Variants in TTC38 observed in about 807,000 individuals in gnomAD.
TTC38 encodes tetratricopeptide repeat domain 38, also known as tetratricopeptide repeat protein 38.
In TTC38, 64 loss-of-function variants were observed where a neutral mutation model predicts 64.2. That is an observed-to-expected ratio of 1.00 (90% CI 0.81 to 1.23). TTC38 has a LOEUF of 1.23. TTC38 is among the 50% of genes most tolerant of loss of function. The pLI, the probability that TTC38 is intolerant of heterozygous loss-of-function variation, is 0.00. For synonymous variants in TTC38, 254 were observed against 249.3 expected (o/e 1.02, Z -0.18); for missense variants, 573 against 615.5 (o/e 0.93, Z 0.73).
At position 46,282,464 on chromosome 22, in the gene TTC38, G is replaced by A. The variant is rs1209465755; in HGVS notation, c.735+746G>A. 2.0e-5 allele frequency among the ~76,000 whole-genome samples: 3 copies of A among 152,208 alleles called. No homozygotes were observed. The highest frequency in any genetic ancestry group is 2.9e-5 in the Non-Finnish European group (2 of 68,028). On this transcript the variant is annotated intron_variant, in intron 7 of 13. Coordinates refer to ENST00000381031, the MANE Select transcript of TTC38 (RefSeq NM_017931.4). This position sits in a 1 kb window ranked among gnomAD's most constrained non-coding sequence, Gnocchi z 4.4. Reference sequence around the variant, plus strand: ...ATCAGGTGAGCCTATTGGGCTCAAGGGAGATGGGGCCTCCCCTGGGACAGG... The same window carrying A: ...ATCAGGTGAGCCTATTGGGCTCAAGAGAGATGGGGCCTCCCCTGGGACAGG...
chr22:46,273,775 GC>G lies in TTC38; in HGVS notation c.194-121del, dbSNP rs1936946453. The stretch of plus-strand genomic sequence containing the variant: ...ACAGTAGGCAGGGCCACAGTGCCCA[GC>G]CTGCTGCTGCCTGGCTGGCCCCTCC... On this transcript the variant is annotated intron_variant, in intron 3 of 13. Coordinates refer to ENST00000381031, the MANE Select transcript of TTC38 (RefSeq NM_017931.4). The surrounding 1 kb of genome is among the most constrained non-coding windows in gnomAD (Gnocchi z 5.1). 10 of 924,560 alleles carry G rather than the reference GC, an allele frequency of 1.1e-5. No individual in the cohort carries two copies. The highest frequency in any genetic ancestry group is 1.1e-5 in the Non-Finnish European group (7 of 609,802). The allele number at this position is 924,560 out of a possible 1,614,324, so 57.3% of individuals were successfully genotyped here. A position where few individuals can be genotyped will look rare whatever the true frequency, so the allele number is the denominator to read the frequency against.
In TTC38 at chr22:46,289,758, C is replaced by T. The variant is rs1033217395; in HGVS notation, c.1243-68C>T. On this transcript the variant is annotated intron_variant, in intron 12 of 13. Coordinates refer to ENST00000381031, the MANE Select transcript of TTC38 (RefSeq NM_017931.4). ...GTCTCCCTGGAGAGCAGGCAGCCCG[C>T]GGTGGGCGGGGGCTCGCCTCCCCCA... is the stretch of plus-strand genomic sequence containing the variant. 23 of 1,562,416 alleles carry T rather than the reference C, an allele frequency of 1.5e-5. 1 individual carries two copies. The South Asian group carries it at 1.7e-4, about 11-fold the overall frequency.
In TTC38 at chr22:46,270,619, G is replaced by T. The variant is rs1056201104; in HGVS notation, c.112-1716G>T. 4.6e-5 allele frequency among the ~76,000 whole-genome samples: 7 copies of T among 152,102 alleles called. No individual in the cohort carries two copies. Among genetic ancestry groups the T allele is most frequent in the African/African-American group, 1.7e-4 (7 of 41,412 alleles). The stretch of plus-strand genomic sequence containing the variant: ...AGGCTGAGGCAGGTGGATCATCTGA[G>T]GTCAGGAGTTCAACACCAGCCTGGC... On this transcript the variant is annotated intron_variant, in intron 2 of 13. Transcript: ENST00000381031. The surrounding 1 kb of genome is among the most constrained non-coding windows in gnomAD (Gnocchi z 4.7).
At position 46,282,025 on chromosome 22, in the gene TTC38, C is replaced by T. The variant is rs918147806; in HGVS notation, c.735+307C>T. On this transcript the variant is annotated intron_variant, in intron 7 of 13. Transcript: ENST00000381031. This position sits in a 1 kb window ranked among gnomAD's most constrained non-coding sequence, Gnocchi z 4.4. Reference sequence around the variant, plus strand: ...TCAAAGCACATGAGCTGCACCATGACGGGGACCCTCTGTGGGATGTGGAAA... The same window carrying T: ...TCAAAGCACATGAGCTGCACCATGATGGGGACCCTCTGTGGGATGTGGAAA... The T allele has an allele frequency of 9.3e-6, 5 of 536,362 alleles. No individual in the cohort carries two copies. The highest frequency in any genetic ancestry group is 1.0e-4 in the East Asian group (2 of 19,778). The allele number at this position is 536,362 out of a possible 1,614,324, so 33.2% of individuals were successfully genotyped here. A position where few individuals can be genotyped will look rare whatever the true frequency, so the allele number is the denominator to read the frequency against.
intron 6 of TTC38, among the ~76,000 whole-genome samples, chr22:46,280,937 G>A (rs1367757660): frequency 6.6e-6 from 1 of 152,220 alleles, no homozygotes; most frequent in Non-Finnish European, 1.5e-5. Flanking sequence ...AACATGAGCT[G>A]AACACATAAA....
At chr22:46,286,993 G>A in intron 9 of TTC38, 80 bp from the exon 10 acceptor site, 1 of 1,178,156 alleles carries the variant, frequency 8.5e-7, no homozygotes, top group Non-Finnish European at 1.2e-6. Context: ...ACCCCACCTG[G>A]ACAGGCTGAC....
At chr22:46,278,763 C>A in intron 6 of TTC38, 102 bp downstream of exon 6, 1 of 928,748 alleles carries the variant, frequency 1.1e-6, no homozygotes, top group Non-Finnish European at 1.8e-6. Flanking sequence ...CGGCGAACCC[C>A]ATCCCTGGTC....
chr22:46,280,753 T>C (rs1396446042), intron 6 of TTC38, among the ~76,000 whole-genome samples: 1 of 152,196 alleles, frequency 6.6e-6, no homozygotes, highest in Non-Finnish European at 1.5e-5. Context: ...GCAGAAGAGC[T>C]TGGGGCTTCT....
chr22:46,282,120 A>C lies in TTC38; in HGVS notation c.735+402A>C. 2.5e-6 allele frequency: 1 copy of C among 392,764 alleles called. No homozygotes were observed. The highest frequency in any genetic ancestry group is 5.3e-6 in the Non-Finnish European group (1 of 187,306). 24.3% of individuals were successfully genotyped at this position (392,764 alleles called of 1,614,324 possible). A position where few individuals can be genotyped will look rare whatever the true frequency, so the allele number is the denominator to read the frequency against. ...CTAGGGAAGGCATCCTGGAGGGGGCAACCTCTGAGTTGGCTACTGAAGGAT... is the reference window on the plus strand; with the variant it reads ...CTAGGGAAGGCATCCTGGAGGGGGCCACCTCTGAGTTGGCTACTGAAGGAT... On this transcript the variant is annotated intron_variant, in intron 7 of 13. Transcript: ENST00000381031. The surrounding 1 kb of genome is among the most constrained non-coding windows in gnomAD (Gnocchi z 4.4).
At chr22:46,285,741 G>GGT (rs2077566959) in intron 9 of TTC38, among the ~76,000 whole-genome samples, 1 of 151,926 alleles carries the variant, frequency 6.6e-6, no homozygotes, top group Admixed American at 6.6e-5. Flanking sequence ...GGCCGGGTGT[G>GGT]GTGGCTCACA....
Position 46,291,817 on chromosome 22 carries a change from G to C in TTC38, c.1317-974G>C, listed in dbSNP as rs1438016949. ...TAAAAATACAAAAAATTAGCCGGGC[G>C]TGGTGGTGGGTACCTGTAATCCCGG... On this transcript the variant is annotated intron_variant, in intron 13 of 13. Transcript: ENST00000381031. The surrounding 1 kb of genome is among the most constrained non-coding windows in gnomAD (Gnocchi z 4.6). 5.3e-5 allele frequency among the ~76,000 whole-genome samples: 8 copies of C among 152,300 alleles called. No individual in the cohort carries two copies. In the South Asian group the frequency reaches 1.7e-3, roughly 32 times the overall value.
chr22:46,284,715 C>T (rs1419611011), intron 8 of TTC38, among the ~76,000 whole-genome samples: 1 of 151,856 alleles, frequency 6.6e-6, no homozygotes, highest in African/African-American at 2.4e-5. Flanking sequence ...CCCATCTCTA[C>T]TAAAAATACA....
rs1184950008 is a variant in TTC38 at position 46,293,212 on chromosome 22, G to A, written c.*328G>A. The A allele has an allele frequency of 1.7e-5, 5 of 297,660 alleles. No homozygotes were observed. The highest frequency in any genetic ancestry group is 3.3e-5 in the Non-Finnish European group (5 of 152,194). 18.4% of individuals were successfully genotyped at this position (297,660 alleles called of 1,614,324 possible). ...TTCAAAGGTTGGAAGGCAGGGCAGA[G>A]GTGGGGGCTGATTCTGCTGGGACAG... On this transcript the variant is annotated 3_prime_UTR_variant, in exon 14 of 14. Transcript: ENST00000381031. This position sits in a 1 kb window ranked among gnomAD's most constrained non-coding sequence, Gnocchi z 6.6.
At chr22:46,268,293 C>T (rs1936807523) in intron 1 of TTC38, among the ~76,000 whole-genome samples, 1 of 152,234 alleles carries the variant, frequency 6.6e-6, no homozygotes, top group South Asian at 2.1e-4. Context: ...ACTCGGGAGA[C>T]CCCAAGACCT....
intron 9 of TTC38, among the ~76,000 whole-genome samples, chr22:46,285,748 C>A (rs150519227): frequency 0.028 from 4,269 of 152,006 alleles, 74 homozygotes; most frequent in African/African-American, 0.036. Context: ...TGTGGTGGCT[C>A]ACACCTGTAA....
intron 1 of TTC38, 30 bp downstream of exon 1, chr22:46,268,102 C>T (rs1438370910): frequency 1.3e-6 from 2 of 1,531,576 alleles, no homozygotes; most frequent in Non-Finnish European, 1.7e-6. Context: ...AACCAGGTCC[C>T]CCTCGGGCCC....
chr22:46,290,604 G>A (rs1346158057), intron 13 of TTC38, among the ~76,000 whole-genome samples: 5 of 133,996 alleles, frequency 3.7e-5, no homozygotes, highest in African/African-American at 1.0e-4. Context: ...CGTGGCTGGA[G>A]GGTGAGTGTT....
At position 46,272,618 on chromosome 22, in the gene TTC38, T is replaced by A. The variant is rs9615913; in HGVS notation, c.193+202T>A. 0.26 allele frequency among the ~76,000 whole-genome samples: 38,935 copies of A among 152,088 alleles called. 8,056 individuals are homozygous for A. Among genetic ancestry groups the A allele is most frequent in the African/African-American group, 0.57 (23,718 of 41,428 alleles). On this transcript the variant is annotated intron_variant, in intron 3 of 13. Coordinates refer to ENST00000381031, the MANE Select transcript of TTC38 (RefSeq NM_017931.4). The surrounding 1 kb of genome is among the most constrained non-coding windows in gnomAD (Gnocchi z 6.4). ...ACTCCCATAAAGATGCCAGGTTCTA[T>A]CAGAAGGCATTTTTCTCATCTTTTC...
rs756022333 is a variant in TTC38, at chr22:46,287,112, GTGGTGGAC to G, written c.875_882del (p.Val292GlufsTer39). On this transcript the variant is annotated frameshift_variant, in exon 10 of 14. Coordinates refer to ENST00000381031, the MANE Select transcript of TTC38 (RefSeq NM_017931.4). LOFTEE classifies it high-confidence loss of function. ...GCAGGCCAACGATGCAATGCTGGAC[GTGGTGGAC>G]AGCTGCTCCATGCTCTACCGCCTGC... is the stretch of plus-strand genomic sequence containing the variant. 1 of 1,605,954 alleles carries G rather than the reference GTGGTGGAC, an allele frequency of 6.2e-7. No individual in the cohort carries two copies. Among genetic ancestry groups the G allele is most frequent in the East Asian group, 2.2e-5 (1 of 44,772 alleles).
Sources: allele counts gnomAD v4.1 joint callset (sites outside exome capture counted in the v4.1 genomes callset), GRCh38; gene constraint gnomAD v4.1.1; non-coding constraint Gnocchi (gnomAD v3.1); transcripts MANE v1.5; gene names NCBI Gene and HGNC (gene_info 2026-07-23, HGNC 2026-07-21).